The following HIPK2 variants were observed in gnomAD, a reference collection of about 807,000 sequenced individuals.
The protein encoded by HIPK2 is homeodomain-interacting protein kinase 2.
A neutral mutation model predicts 113.7 loss-of-function variants in HIPK2; 27 were observed. The ratio of observed to expected loss-of-function variants is 0.24; its 90% CI spans 0.17 to 0.33. The LOEUF (loss-of-function observed/expected upper bound fraction) is 0.33, where lower values mean the gene tolerates loss of function less well. Ranked by LOEUF, HIPK2 falls within the 10% of genes least tolerant of loss-of-function variation. The probability of loss-of-function intolerance (pLI) is 1.00; values close to 1 mark genes in which losing one functional copy is unlikely to be tolerated. For synonymous variants in HIPK2, 631 were observed against 642.2 expected, an observed-to-expected ratio of 0.98 and a Z score of 0.26; for missense variants, 1,257 against 1,588.0, an observed-to-expected ratio of 0.79 and a Z score of 3.54.
chr7:139,741,264 T>C (rs1441788204), intron 1 of HIPK2, among the ~76,000 whole-genome samples: 1 of 152,176 alleles, frequency 6.6e-6, no homozygotes, highest in African/African-American at 2.4e-5. Context: ...CTCTCTTTCA[T>C]TCCCTTCACT....
At chr7:139,729,874 C>G (rs919980403) in intron 1 of HIPK2, among the ~76,000 whole-genome samples, 1 of 152,138 alleles carries the variant, frequency 6.6e-6, no homozygotes, top group Non-Finnish European at 1.5e-5. Context: ...CAAACCTTTA[C>G]GAAAGAAAGC....
At chr7:139,744,005 T>C (rs1403478132) in intron 1 of HIPK2, among the ~76,000 whole-genome samples, 1 of 152,166 alleles carries the variant, frequency 6.6e-6, no homozygotes, top group Non-Finnish European at 1.5e-5. Context: ...GACATACAAA[T>C]GGTCAATATG....
chr7:139,688,651 T>C (rs1794302484), intron 2 of HIPK2, among the ~76,000 whole-genome samples: 1 of 152,216 alleles, frequency 6.6e-6, no homozygotes, highest in African/African-American at 2.4e-5. Context: ...AGTCCTCCCC[T>C]GAATAATGTG....
chr7:139,729,392 G>C lies in HIPK2; in HGVS notation c.20-12377C>G, dbSNP rs1795701799. The stretch of plus-strand genomic sequence containing the variant: ...GAGAGAGAGAGAGAGAGAATTGGGA[G>C]TGGCTTATTAATAACACAAAAACTA... On this transcript the variant is annotated intron_variant, in intron 1 of 14. Coordinates refer to ENST00000406875, the MANE Select transcript of HIPK2 (RefSeq NM_022740.5). Among the ~76,000 whole-genome samples the C allele has an allele frequency of 2.1e-5, 3 of 141,414 alleles. 1 individual carries two copies. The South Asian group carries it at 6.9e-4, about 33-fold the overall frequency. The allele number at this position is 141,414 out of a possible 152,430, so 92.8% of individuals were successfully genotyped here.
At position 139,575,093 on chromosome 7, in the gene HIPK2, C is replaced by T. The variant is rs188079165; in HGVS notation, c.3126+35G>A. 400 of 1,558,154 alleles carry T rather than the reference C, an allele frequency of 2.6e-4. 2 individuals carry two copies. The African/African-American group carries it at 4.8e-3, about 19-fold the overall frequency. ...AGCGGAAGGATGAGGGGATGGGGGCCCTGCCTGGCCTGGGGCGCCAGCTGT... is the reference window on the plus strand; with the variant it reads ...AGCGGAAGGATGAGGGGATGGGGGCTCTGCCTGGCCTGGGGCGCCAGCTGT... On this transcript the variant is annotated intron_variant, in intron 14 of 14. Transcript: ENST00000406875.
intron 1 of HIPK2, among the ~76,000 whole-genome samples, chr7:139,725,830 C>A (rs548046325): frequency 6.6e-6 from 1 of 152,222 alleles, no homozygotes; most frequent in African/African-American, 2.4e-5. Flanking sequence ...AAAGTCACTT[C>A]GCCTCTGCTA....
intron 8 of HIPK2, 86 bp downstream of exon 8, chr7:139,614,200 T>C (rs926948376): frequency 1.7e-6 from 2 of 1,181,960 alleles, no homozygotes; most frequent in Middle Eastern, 3.2e-4. Flanking sequence ...TCCATGAAAA[T>C]GAGCGTGACA....
At chr7:139,591,980 T>G (rs773771382) in intron 12 of HIPK2, among the ~76,000 whole-genome samples, 1 of 152,252 alleles carries the variant, frequency 6.6e-6, no homozygotes, top group Admixed American at 6.5e-5. Flanking sequence ...TAAATGAGTG[T>G]GTGTGGTTTT....
chr7:139,750,832 T>TA (rs894716498), intron 1 of HIPK2, among the ~76,000 whole-genome samples: 21 of 152,278 alleles, frequency 1.4e-4, no homozygotes, highest in African/African-American at 9.6e-5. Context: ...TGAAAAGAAC[T>TA]AAAAAAATCT....
rs1452152738 is a variant in HIPK2, at chr7:139,598,539, T to A, written c.2436-1541A>T. On this transcript the variant is annotated intron_variant, in intron 11 of 14. Transcript: ENST00000406875. Reference sequence around the variant, plus strand: ...TTAAGGAAAAGTATGCCTGGCCACATCACCAACAAGGGAGAGACTTCTGGT... The same window carrying A: ...TTAAGGAAAAGTATGCCTGGCCACAACACCAACAAGGGAGAGACTTCTGGT... Among the ~76,000 whole-genome samples, 3 of 152,230 alleles carry A rather than the reference T, an allele frequency of 2.0e-5. No individual in the cohort carries two copies. The East Asian group carries it at 5.8e-4, about 29-fold the overall frequency.
At chr7:139,648,550 C>T (rs761844027) in intron 2 of HIPK2, among the ~76,000 whole-genome samples, 25 of 152,204 alleles carry the variant, frequency 1.6e-4, no homozygotes, top group Admixed American at 4.6e-4. Context: ...TTTATCCCCC[C>T]GGGATAGCAT....
At chr7:139,727,444 G>A (rs565667945) in intron 1 of HIPK2, among the ~76,000 whole-genome samples, 4 of 152,294 alleles carry the variant, frequency 2.6e-5, no homozygotes, top group Admixed American at 1.3e-4. Context: ...TCTTAAGAAC[G>A]TTCAAAATCT....
intron 9 of HIPK2, among the ~76,000 whole-genome samples, chr7:139,607,206 A>T (rs1199460281): frequency 6.6e-6 from 1 of 152,136 alleles, no homozygotes; most frequent in Non-Finnish European, 1.5e-5. Flanking sequence ...TATAGGAAAT[A>T]GAGGGGAAAA....
At chr7:139,650,866 G>A (rs963721135) in intron 2 of HIPK2, among the ~76,000 whole-genome samples, 7 of 152,186 alleles carry the variant, frequency 4.6e-5, no homozygotes, top group South Asian at 2.1e-4. Flanking sequence ...ACACCCTCCA[G>A]CCCCAGTCAC....
intron 2 of HIPK2, among the ~76,000 whole-genome samples, chr7:139,659,521 C>T (rs769764710): frequency 1.3e-5 from 2 of 152,212 alleles, no homozygotes; most frequent in South Asian, 2.1e-4. Context: ...GAGAGAGATT[C>T]CTGCTTGGGC....
chr7:139,698,439 G>T (rs1052685392), intron 2 of HIPK2, among the ~76,000 whole-genome samples: 1 of 152,064 alleles, frequency 6.6e-6, no homozygotes, highest in Non-Finnish European at 1.5e-5. Flanking sequence ...GTATTTGTTC[G>T]AGTCCTTGTT....
intron 2 of HIPK2, among the ~76,000 whole-genome samples, chr7:139,681,867 C>T (rs1802712800): frequency 6.6e-6 from 1 of 152,222 alleles, no homozygotes. Flanking sequence ...TCTTTGTCCA[C>T]TGACTGGGGG....
In HIPK2 at chr7:139,564,936, A is replaced by C. The variant is rs1386484892; in HGVS notation, c.*7991T>G. On this transcript the variant is annotated 3_prime_UTR_variant, in exon 15 of 15. Coordinates refer to ENST00000406875, the MANE Select transcript of HIPK2 (RefSeq NM_022740.5). The stretch of plus-strand genomic sequence containing the variant: ...CATGTGCATTTGAACATCGCATTTG[A>C]GTACAACACACAAAGAATAATCTCT... The C allele has an allele frequency of 6.6e-6, 1 of 152,260 alleles. No individual in the cohort carries two copies. Among genetic ancestry groups the C allele is most frequent in the Non-Finnish European group, 1.5e-5 (1 of 68,048 alleles). 9.4% of individuals were successfully genotyped at this position (152,260 alleles called of 1,614,324 possible). A position where few individuals can be genotyped will look rare whatever the true frequency, so the allele number is the denominator to read the frequency against.
intron 1 of HIPK2, among the ~76,000 whole-genome samples, chr7:139,721,481 T>G (rs1408980630): frequency 6.6e-6 from 1 of 152,096 alleles, no homozygotes; most frequent in East Asian, 1.9e-4. Flanking sequence ...TGAGGGACAA[T>G]AAAGTGGGGG....
Sources: gnomAD v4.1 joint callset for allele counts (sites outside exome capture counted in the v4.1 genomes callset) on GRCh38, gnomAD v4.1.1 for gene constraint, MANE v1.5 for transcripts, NCBI Gene and HGNC (gene_info 2026-07-23, HGNC 2026-07-21) for gene names.